The following ADAMTS12 variants were observed in gnomAD, a reference collection of about 807,000 sequenced individuals.
The protein encoded by ADAMTS12 is A disintegrin and metalloproteinase with thrombospondin motifs 12.
A neutral mutation model predicts 167.8 loss-of-function variants in ADAMTS12; 118 were observed. The observed-to-expected ratio is 0.70, with a 90% CI of 0.61 to 0.82. The LOEUF (loss-of-function observed/expected upper bound fraction) is 0.82. Among genes scored for constraint, ADAMTS12 ranks in the 40% least tolerant of loss-of-function variants. ADAMTS12 has a pLI of 0.00. For synonymous variants in ADAMTS12, 704 were observed against 716.9 expected (o/e 0.98, Z 0.29); for missense variants, 1,916 against 1,998.8 (o/e 0.96, Z 0.79).
intron 5 of ADAMTS12, among the ~76,000 whole-genome samples, chr5:33,666,380 C>A (rs1051636509): frequency 6.6e-6 from 1 of 152,234 alleles, no homozygotes; most frequent in African/African-American, 2.4e-5. Context: ...GGCCTGTGTT[C>A]CACAGGATGG....
intron 3 of ADAMTS12, among the ~76,000 whole-genome samples, chr5:33,690,902 G>A (rs1003497176): frequency 8.5e-5 from 13 of 152,156 alleles, no homozygotes; most frequent in Non-Finnish European, 1.9e-4. Flanking sequence ...GACCAGATGC[G>A]GAGGAGGCTG....
At chr5:33,553,485 T>G (rs1370827211) in intron 20 of ADAMTS12, among the ~76,000 whole-genome samples, 1 of 152,126 alleles carries the variant, frequency 6.6e-6, no homozygotes, top group African/African-American at 2.4e-5. Context: ...CAATGATAAA[T>G]TGGATAAAGA....
intron 2 of ADAMTS12, among the ~76,000 whole-genome samples, chr5:33,775,548 T>C (rs9968578): frequency 0.15 from 22,735 of 152,220 alleles, 2,002 homozygotes; most frequent in East Asian, 0.4. Context: ...AATAGGACTT[T>C]CCAGTATGCA....
In ADAMTS12 at chr5:33,588,728, C is replaced by G; in HGVS notation, c.2736G>C (p.Gln912His). 1 of 1,614,162 alleles carries G rather than the reference C, an allele frequency of 6.2e-7. No individual in the cohort carries two copies. The highest frequency in any genetic ancestry group is 8.5e-7 in the Non-Finnish European group (1 of 1,180,038). ...GEKKRTVLCI[Q>H]TMVSDEQALP... is the part of the protein sequence containing the mutation. ...GAGCCTGCTCGTCAGAGACCATGGT[C>G]TGGATGCACAGCACGGTTCGCTTCT... Residue 912 changes from glutamine (Q) to histidine (H), a missense_variant, in exon 18 of 24, where the codon CAG (glutamine) becomes CAC (histidine). By Grantham distance (24) the Gln-to-His change is conservative (BLOSUM62 0). Transcript: ENST00000504830.
chr5:33,655,646 T>TTAA (rs1443506044), intron 7 of ADAMTS12, among the ~76,000 whole-genome samples: 1 of 151,920 alleles, frequency 6.6e-6, no homozygotes, highest in African/African-American at 2.4e-5. Flanking sequence ...TTAATTTAAT[T>TTAA]TAATTTAATT....
rs760278882 is a variant in ADAMTS12 at position 33,637,541 on chromosome 5, T to C, written c.1888+36A>G. On this transcript the variant is annotated intron_variant, in intron 12 of 23. Transcript: ENST00000504830. ...ATACAAATGCTTTGAGAATGGCTGT[T>C]CCCTAGATCTGAGATACACCATTAC... is the stretch of plus-strand genomic sequence containing the variant. The C allele has an allele frequency of 3.2e-6, 5 of 1,583,148 alleles. No homozygotes were observed. In the East Asian group the frequency reaches 1.1e-4, roughly 36 times the overall value.
intron 17 of ADAMTS12, among the ~76,000 whole-genome samples, chr5:33,592,709 T>A (rs999871111): frequency 2.0e-5 from 3 of 152,144 alleles, no homozygotes; most frequent in African/African-American, 7.2e-5. Flanking sequence ...CTCTCTCAAA[T>A]ACTCCTTTGG....
chr5:33,765,057 T>C (rs942195267), intron 2 of ADAMTS12, among the ~76,000 whole-genome samples: 7 of 152,232 alleles, frequency 4.6e-5, no homozygotes, highest in Non-Finnish European at 1.0e-4. Flanking sequence ...TGATTTAAAG[T>C]ATATACGTGA....
At position 33,782,294 on chromosome 5, in the gene ADAMTS12, TA is replaced by T. The variant is rs552199551; in HGVS notation, c.490-30747del. Among the ~76,000 whole-genome samples, 69 of 151,900 alleles carry T rather than the reference TA, an allele frequency of 4.5e-4. No homozygotes were observed. In the East Asian group the frequency reaches 0.011, roughly 25 times the overall value. On this transcript the variant is annotated intron_variant, in intron 2 of 23. Coordinates refer to ENST00000504830, the MANE Select transcript of ADAMTS12 (RefSeq NM_030955.4). ...CCGAACAACCAAAAAGAAAATAGTTTAAAAATATGGTTAAAAATCAACAGAA... is the reference window on the plus strand; with the variant it reads ...CCGAACAACCAAAAAGAAAATAGTTTAAAATATGGTTAAAAATCAACAGAA...
chr5:33,743,714 T>C lies in ADAMTS12; in HGVS notation c.634+7690A>G, dbSNP rs143733489. 1.7e-3 allele frequency among the ~76,000 whole-genome samples: 253 copies of C among 152,300 alleles called. 2 individuals are homozygous for C. Among genetic ancestry groups the C allele is most frequent in the African/African-American group, 5.9e-3 (245 of 41,574 alleles). The stretch of plus-strand genomic sequence containing the variant: ...ATCCATCCATCCATCTATTCATCCA[T>C]CCAACCATCCATCCATCCATCCACC... On this transcript the variant is annotated intron_variant, in intron 3 of 23. Coordinates refer to ENST00000504830, the MANE Select transcript of ADAMTS12 (RefSeq NM_030955.4).
chr5:33,828,358 T>C (rs1483493100), intron 2 of ADAMTS12, among the ~76,000 whole-genome samples: 1 of 152,206 alleles, frequency 6.6e-6, no homozygotes, highest in African/African-American at 2.4e-5. Context: ...TTTGTCAATT[T>C]TTCTACCAGA....
intron 7 of ADAMTS12, among the ~76,000 whole-genome samples, chr5:33,657,251 TCA>T (rs1741095455): frequency 6.6e-6 from 1 of 152,158 alleles, no homozygotes; most frequent in Non-Finnish European, 1.5e-5. Flanking sequence ...CTGGAATAAT[TCA>T]GTCTCCAGTG....
Position 33,860,048 on chromosome 5 carries a change from G to A in ADAMTS12, c.489+21071C>T, listed in dbSNP as rs115268213. Reference sequence around the variant, plus strand: ...ACCAAAGGTCGATAAATCCACAAACGTGAGGAAAAACCAGCACAAAAAGGC... The same window carrying A: ...ACCAAAGGTCGATAAATCCACAAACATGAGGAAAAACCAGCACAAAAAGGC... On this transcript the variant is annotated intron_variant, in intron 2 of 23. Coordinates refer to ENST00000504830, the MANE Select transcript of ADAMTS12 (RefSeq NM_030955.4). Among the ~76,000 whole-genome samples the A allele has an allele frequency of 1.7e-3, 254 of 152,230 alleles. 1 individual carries two copies. Among genetic ancestry groups the A allele is most frequent in the Non-Finnish European group, 2.9e-3 (197 of 68,008 alleles).
intron 2 of ADAMTS12, among the ~76,000 whole-genome samples, chr5:33,851,951 C>T (rs573523302): frequency 6.6e-4 from 101 of 152,316 alleles, no homozygotes; most frequent in Admixed American, 1.7e-3. Flanking sequence ...CTAATTTGTC[C>T]GGAAGCTCTG....
intron 21 of ADAMTS12, 113 bp downstream of exon 21, chr5:33,549,094 C>T: frequency 7.5e-7 from 1 of 1,341,810 alleles, no homozygotes; most frequent in Non-Finnish European, 1.0e-6. Context: ...AGAGGCCAGT[C>T]ATTGGCAGGA....
At chr5:33,804,896 C>T (rs1046782807) in intron 2 of ADAMTS12, among the ~76,000 whole-genome samples, 1 of 151,828 alleles carries the variant, frequency 6.6e-6, no homozygotes, top group Non-Finnish European at 1.5e-5. Flanking sequence ...GTAAGAAAAC[C>T]CTGCACTACA....
At chr5:33,588,008 T>A (rs1396835737) in intron 18 of ADAMTS12, among the ~76,000 whole-genome samples, 2 of 152,218 alleles carry the variant, frequency 1.3e-5, no homozygotes, top group African/African-American at 2.4e-5. Context: ...AGAGAGCTTT[T>A]CATAACCTTC....
chr5:33,866,504 C>A (rs1749827710), intron 2 of ADAMTS12, among the ~76,000 whole-genome samples: 1 of 151,894 alleles, frequency 6.6e-6, no homozygotes, highest in Admixed American at 6.6e-5. Flanking sequence ...GTAGAAGAAA[C>A]CTAGGAAAAA....
intron 5 of ADAMTS12, among the ~76,000 whole-genome samples, chr5:33,665,798 T>C (rs1441681689): frequency 2.0e-5 from 3 of 152,140 alleles, no homozygotes; most frequent in South Asian, 2.1e-4. Context: ...CTGGACAATA[T>C]ATCTGCCTTC....
Sources: gnomAD v4.1 joint callset for allele counts (sites outside exome capture counted in the v4.1 genomes callset) on GRCh38, gnomAD v4.1.1 for gene constraint, MANE v1.5 for transcripts, NCBI Gene and HGNC (gene_info 2026-07-23, HGNC 2026-07-21) for gene names.